Variants in UNC5C observed in about 807,000 individuals in gnomAD.
UNC5C encodes unc-5 netrin receptor C.
Under a neutral mutation model 99.8 loss-of-function variants are expected in UNC5C, and 47 were observed. That is an observed-to-expected ratio of 0.47 (90% CI 0.37 to 0.60). The LOEUF is 0.60. UNC5C is among the 20% of genes least tolerant of loss of function. The pLI is 0.00. For synonymous variants in UNC5C, 487 were observed against 452.2 expected (o/e 1.08, Z -0.98); for missense variants, 1,062 against 1,165.9 (o/e 0.91, Z 1.30).
chr4:95,218,882 T>C, intron 9 of UNC5C, 87 bp downstream of exon 9: 2 of 1,348,334 alleles, frequency 1.5e-6, no homozygotes, highest in Non-Finnish European at 2.0e-6. Flanking sequence ...TCAGGCCTAA[T>C]GAAAACATCC....
intron 1 of UNC5C, among the ~76,000 whole-genome samples, chr4:95,489,078 G>T (rs1721407180): frequency 6.7e-6 from 1 of 148,924 alleles, no homozygotes; most frequent in Admixed American, 6.7e-5. Context: ...AAGAGGGGAG[G>T]CAGGGAGAGA....
At chr4:95,352,316 A>G (rs1204791738) in intron 1 of UNC5C, among the ~76,000 whole-genome samples, 1 of 151,984 alleles carries the variant, frequency 6.6e-6, no homozygotes, top group Non-Finnish European at 1.5e-5. Context: ...TAGGGTATTC[A>G]CACTTGCCCT....
intron 1 of UNC5C, among the ~76,000 whole-genome samples, chr4:95,437,422 C>T (rs955520583): frequency 6.6e-6 from 1 of 151,532 alleles, no homozygotes; most frequent in East Asian, 1.9e-4. Flanking sequence ...ATCATAGTAT[C>T]GTATAAATGA....
chr4:95,393,882 A>C (rs1745434418), intron 1 of UNC5C, among the ~76,000 whole-genome samples: 1 of 149,070 alleles, frequency 6.7e-6, no homozygotes, highest in Non-Finnish European at 1.5e-5. Context: ...ACAGATTGCT[A>C]TAAATCTCTC....
intron 1 of UNC5C, among the ~76,000 whole-genome samples, chr4:95,393,865 A>ATTTTT (rs1285086418): frequency 1.6e-4 from 18 of 113,248 alleles, no homozygotes; most frequent in East Asian, 2.3e-4. Flanking sequence ...TTTTTTTTTA[A>ATTTTT]AAAAAAACAG....
intron 5 of UNC5C, among the ~76,000 whole-genome samples, chr4:95,249,003 T>C (rs570864911): frequency 9.2e-5 from 14 of 152,196 alleles, no homozygotes; most frequent in Non-Finnish European, 1.9e-4. Flanking sequence ...GTTTATCTTT[T>C]TTTTTATCTT....
At chr4:95,414,639 C>T (rs1027779549) in intron 1 of UNC5C, among the ~76,000 whole-genome samples, 2 of 152,238 alleles carry the variant, frequency 1.3e-5, no homozygotes, top group African/African-American at 4.8e-5. Context: ...TCAGCTTTCT[C>T]TAACCCTTAG....
chr4:95,508,673 A>C (rs1221847281), intron 1 of UNC5C, among the ~76,000 whole-genome samples: 1 of 151,892 alleles, frequency 6.6e-6, no homozygotes, highest in African/African-American at 2.4e-5. Flanking sequence ...GTTTGTTCCC[A>C]AAAAGGAAAA....
rs543956806 is a variant in UNC5C, at chr4:95,541,808, C to T, written c.124+6926G>A. On this transcript the variant is annotated intron_variant, in intron 1 of 15. Coordinates refer to ENST00000453304, the MANE Select transcript of UNC5C (RefSeq NM_003728.4). ...AGAAATATCCACATATAAGGTGGTT[C>T]TTCTGAACAGAAATAAAAAGAGAGA... is the stretch of plus-strand genomic sequence containing the variant. 3.9e-5 allele frequency among the ~76,000 whole-genome samples: 6 copies of T among 152,102 alleles called. No homozygotes were observed. The South Asian group carries it at 1.2e-3, about 32-fold the overall frequency.
chr4:95,385,476 GCA>G lies in UNC5C; in HGVS notation c.125-49847_125-49846del, dbSNP rs376196298. Among the ~76,000 whole-genome samples, 18 of 152,242 alleles carry G rather than the reference GCA, an allele frequency of 1.2e-4. No individual in the cohort carries two copies. In the East Asian group the frequency reaches 3.1e-3, roughly 26 times the overall value. On this transcript the variant is annotated intron_variant, in intron 1 of 15. Transcript: ENST00000453304. ...AGAAAGTAGAAGAGCAATTTTAATA[GCA>G]CAGTGTATTATTCCAAGATTCTACA...
At chr4:95,292,286 T>C (rs1293628774) in intron 3 of UNC5C, among the ~76,000 whole-genome samples, 1 of 148,310 alleles carries the variant, frequency 6.7e-6, no homozygotes, top group Non-Finnish European at 1.5e-5. Flanking sequence ...TTGTTTTTTT[T>C]TGAGATGGAG....
intron 1 of UNC5C, among the ~76,000 whole-genome samples, chr4:95,400,753 C>T (rs953341717): frequency 1.2e-4 from 19 of 152,156 alleles, no homozygotes; most frequent in African/African-American, 4.6e-4. Flanking sequence ...CCTTCCAGTC[C>T]CCAACTCCAC....
At chr4:95,298,437 T>C (rs1741742026) in intron 3 of UNC5C, among the ~76,000 whole-genome samples, 2 of 152,126 alleles carry the variant, frequency 1.3e-5, no homozygotes, top group South Asian at 4.1e-4. Flanking sequence ...TCTGTGGATG[T>C]CCTCTCACTC....
chr4:95,191,482 G>A (rs572680388), intron 12 of UNC5C, among the ~76,000 whole-genome samples: 9 of 152,078 alleles, frequency 5.9e-5, no homozygotes, highest in South Asian at 2.1e-4. Flanking sequence ...GTCCCACAGC[G>A]GATCTGGTGG....
chr4:95,292,232 CACACAT>C (rs1480007055), intron 3 of UNC5C, among the ~76,000 whole-genome samples: 4 of 80,546 alleles, frequency 5.0e-5, no homozygotes, highest in African/African-American at 2.5e-4. Context: ...CACACACACA[CACACAT>C]ATATATATAT....
intron 5 of UNC5C, chr4:95,248,610 C>T (rs1353033729): frequency 2.2e-6 from 1 of 449,690 alleles, no homozygotes; most frequent in South Asian, 1.6e-5. Flanking sequence ...CGCTGTTTCT[C>T]AAGGACCTTT....
intron 1 of UNC5C, among the ~76,000 whole-genome samples, chr4:95,432,338 CAT>C (rs1746656699): frequency 6.6e-6 from 1 of 152,006 alleles, no homozygotes; most frequent in Non-Finnish European, 1.5e-5. Context: ...TTTGATGTAA[CAT>C]GAAGAATAAA....
chr4:95,291,745 C>G (rs538844978), intron 3 of UNC5C, among the ~76,000 whole-genome samples: 6 of 152,112 alleles, frequency 3.9e-5, no homozygotes, highest in African/African-American at 1.4e-4. Flanking sequence ...TTATATAAAA[C>G]AAGAGTATTA....
chr4:95,422,253 A>G (rs1265552747), intron 1 of UNC5C, among the ~76,000 whole-genome samples: 1 of 152,206 alleles, frequency 6.6e-6, no homozygotes, highest in East Asian at 1.9e-4. Flanking sequence ...TATGGTCTCA[A>G]TTAGCAATTC....
Sources: allele counts gnomAD v4.1 joint callset (sites outside exome capture counted in the v4.1 genomes callset), GRCh38; gene constraint gnomAD v4.1.1; transcripts MANE v1.5; gene names NCBI Gene and HGNC (gene_info 2026-07-23, HGNC 2026-07-21).